Variants in CFAP299 observed in about 807,000 individuals in gnomAD.
CFAP299 encodes the protein cilia and flagella associated protein 299, also known as cilia- and flagella-associated protein 299.
CFAP299 carries 21 observed loss-of-function variants against 27.0 expected under a neutral mutation model. The ratio of observed to expected loss-of-function variants is 0.78; its 90% CI spans 0.55 to 1.12. The LOEUF (loss-of-function observed/expected upper bound fraction) is 1.12, where lower values mean the gene tolerates loss of function less well. Ranked by LOEUF, CFAP299 falls within the 50% of genes most tolerant of loss-of-function variation. CFAP299 has a pLI of 0.00. For synonymous variants in CFAP299, 104 were observed against 98.1 expected (o/e 1.06, Z -0.36); for missense variants, 310 against 276.6 (o/e 1.12, Z -0.86).
chr4:80,930,222 T>G (rs1326004967), intron 4 of CFAP299, among the ~76,000 whole-genome samples: 2 of 152,166 alleles, frequency 1.3e-5, no homozygotes, highest in Non-Finnish European at 2.9e-5. Flanking sequence ...GGCTTCTGGA[T>G]AGCTGAACAT....
At chr4:80,876,256 T>C (rs1190371429) in intron 4 of CFAP299, among the ~76,000 whole-genome samples, 1 of 151,960 alleles carries the variant, frequency 6.6e-6, no homozygotes, top group African/African-American at 2.4e-5. Context: ...AAATCTCATC[T>C]TGAATTGTAA....
At chr4:80,823,184 C>A (rs1003817066) in intron 3 of CFAP299, among the ~76,000 whole-genome samples, 7 of 152,102 alleles carry the variant, frequency 4.6e-5, no homozygotes, top group Admixed American at 3.9e-4. Flanking sequence ...GGAATGGAAC[C>A]TGGGAGAGAA....
chr4:80,937,308 C>CTTTTTTTTTTTTTTTTT (rs1736948672), intron 4 of CFAP299, among the ~76,000 whole-genome samples: 19 of 90,762 alleles, frequency 2.1e-4, no homozygotes, highest in Non-Finnish European at 3.3e-4. Flanking sequence ...CTTTTTTTTT[C>CTTTTTTTTTTTTTTTTT]TTTCTTTTTT....
intron 3 of CFAP299, among the ~76,000 whole-genome samples, chr4:80,643,149 C>A (rs1456607338): frequency 6.6e-6 from 1 of 151,970 alleles, no homozygotes; most frequent in Admixed American, 6.6e-5. Context: ...TAAATAAATA[C>A]ATGAGAGAAG....
chr4:80,499,997 C>T (rs953650359), intron 2 of CFAP299, among the ~76,000 whole-genome samples: 9 of 151,562 alleles, frequency 5.9e-5, no homozygotes, highest in African/African-American at 1.5e-4. Flanking sequence ...GTTTGAATGA[C>T]GGACTTTAGC....
chr4:80,425,011 G>A (rs1409522310), intron 2 of CFAP299, among the ~76,000 whole-genome samples: 3 of 152,008 alleles, frequency 2.0e-5, no homozygotes, highest in Admixed American at 2.0e-4. Flanking sequence ...CTACTTGTGG[G>A]AGGACATTAT....
intron 2 of CFAP299, among the ~76,000 whole-genome samples, chr4:80,373,836 G>A (rs1367996447): frequency 6.6e-6 from 1 of 152,156 alleles, no homozygotes; most frequent in African/African-American, 2.4e-5. Context: ...GAATGCATTG[G>A]AGAGCCATCA....
intron 3 of CFAP299, among the ~76,000 whole-genome samples, chr4:80,864,078 T>C (rs1578195963): frequency 6.6e-6 from 1 of 152,040 alleles, no homozygotes; most frequent in East Asian, 1.9e-4. Flanking sequence ...ATATTCTAAA[T>C]TGGAGTTGTA....
At chr4:80,804,077 GCTGTCATGAC>G (rs1202235016) in intron 3 of CFAP299, among the ~76,000 whole-genome samples, 1 of 151,980 alleles carries the variant, frequency 6.6e-6, no homozygotes, top group Non-Finnish European at 1.5e-5. Flanking sequence ...AGGTGGAGGC[GCTGTCATGAC>G]CTAAGCACCT....
intron 3 of CFAP299, among the ~76,000 whole-genome samples, chr4:80,770,025 C>G (rs867573796): frequency 6.6e-6 from 1 of 152,134 alleles, no homozygotes; most frequent in South Asian, 2.1e-4. Context: ...AAGTAGCAAA[C>G]TTTCAGAGCT....
chr4:80,380,422 ATTT>A (rs10701207), intron 2 of CFAP299, among the ~76,000 whole-genome samples: 3 of 96,132 alleles, frequency 3.1e-5, no homozygotes, highest in Non-Finnish European at 5.8e-5. Flanking sequence ...TGTGTCTCAC[ATTT>A]TTTTTTTTTT....
intron 3 of CFAP299, among the ~76,000 whole-genome samples, chr4:80,821,152 T>C (rs1335456748): frequency 6.6e-6 from 1 of 152,200 alleles, no homozygotes; most frequent in Non-Finnish European, 1.5e-5. Context: ...TATTGACTAC[T>C]GTAATTAAGA....
chr4:80,354,985 C>T (rs571340496), intron 1 of CFAP299, among the ~76,000 whole-genome samples: 6 of 152,232 alleles, frequency 3.9e-5, no homozygotes, highest in Admixed American at 2.0e-4. Flanking sequence ...AATGAATATA[C>T]ATGTGCATGT....
At chr4:80,415,525 G>A (rs1163517551) in intron 2 of CFAP299, among the ~76,000 whole-genome samples, 1 of 151,896 alleles carries the variant, frequency 6.6e-6, no homozygotes, top group Admixed American at 6.6e-5. Context: ...AGTTTAACTG[G>A]TAGTTTATAT....
intron 3 of CFAP299, among the ~76,000 whole-genome samples, chr4:80,729,833 G>A (rs1056737739): frequency 1.3e-5 from 2 of 151,828 alleles, no homozygotes; most frequent in Non-Finnish European, 2.9e-5. Context: ...TCGATCTCCT[G>A]ACCTCGTGAT....
intron 1 of CFAP299, among the ~76,000 whole-genome samples, chr4:80,343,811 A>AAG (rs1331636360): frequency 1.3e-5 from 2 of 150,484 alleles, no homozygotes; most frequent in African/African-American, 4.9e-5. Flanking sequence ...AAAAAAAAAA[A>AAG]AAAAAAAAAA....
At chr4:80,412,447 C>T (rs1023492093) in intron 2 of CFAP299, among the ~76,000 whole-genome samples, 21 of 152,068 alleles carry the variant, frequency 1.4e-4, no homozygotes, top group African/African-American at 4.1e-4. Flanking sequence ...AGAGGAATAA[C>T]GCATGAACTC....
intron 1 of CFAP299, among the ~76,000 whole-genome samples, chr4:80,362,306 C>A (rs1038464775): frequency 1.5e-4 from 22 of 150,796 alleles, no homozygotes; most frequent in Admixed American, 4.0e-4. Context: ...GGAAGTAAGG[C>A]TCTAAAACAA....
chr4:80,449,596 TA>T (rs937325270), intron 2 of CFAP299, among the ~76,000 whole-genome samples: 2 of 151,774 alleles, frequency 1.3e-5, no homozygotes, highest in African/African-American at 2.4e-5. Context: ...ATTTCATTCT[TA>T]AAAAACGTTT....
Sources: gnomAD v4.1 joint callset for allele counts (sites outside exome capture counted in the v4.1 genomes callset) on GRCh38, gnomAD v4.1.1 for gene constraint, MANE v1.5 for transcripts, NCBI Gene and HGNC (gene_info 2026-07-23, HGNC 2026-07-21) for gene names.